Variants in NAV2 observed in about 807,000 individuals in gnomAD.
The protein encoded by NAV2 is helicase, APC down-regulated 1.
NAV2 carries 54 observed loss-of-function variants against 223.2 expected under a neutral mutation model. The ratio of observed to expected loss-of-function variants is 0.24; its 90% CI spans 0.19 to 0.30. NAV2 has a LOEUF of 0.30. NAV2 is among the 10% of genes least tolerant of loss of function. The probability of loss-of-function intolerance (pLI) is 1.00; values close to 1 mark genes in which losing one functional copy is unlikely to be tolerated. For synonymous variants in NAV2, 1,279 were observed against 1,239.3 expected (o/e 1.03, Z -0.67); for missense variants, 2,806 against 3,147.5 (o/e 0.89, Z 2.60).
At chr11:19,830,556 T>C (rs2059873962) in intron 1 of NAV2, among the ~76,000 whole-genome samples, 1 of 152,252 alleles carries the variant, frequency 6.6e-6, no homozygotes, top group South Asian at 2.1e-4. Context: ...AAAATGTTTA[T>C]GTCAGTGCCT....
chr11:19,506,297 AG>A (rs1355227944), intron 1 of NAV2: 1 of 152,254 alleles, frequency 6.6e-6, no homozygotes, highest in Admixed American at 6.5e-5. Context: ...CCCATACTCC[AG>A]GACTTGTAGC....
At chr11:19,345,358 T>C in the NAV2 span, among the ~76,000 whole-genome samples, 1 of 152,174 alleles carries the variant, frequency 6.6e-6, no homozygotes, top group Admixed American at 6.5e-5. The surrounding 1 kb of genome is among the most constrained non-coding windows in gnomAD (Gnocchi z 5.2). Context: ...CTGGCTGGAC[T>C]GCCCGGCGGC....
intron 1 of NAV2, among the ~76,000 whole-genome samples, chr11:19,491,179 G>A (rs1478799347): frequency 6.6e-6 from 1 of 152,074 alleles, no homozygotes. Flanking sequence ...GATTTTCAGG[G>A]TAGTAAATGG....
intron 1 of NAV2, among the ~76,000 whole-genome samples, chr11:19,493,224 C>T (rs958648275): frequency 5.3e-5 from 8 of 151,694 alleles, no homozygotes; most frequent in Non-Finnish European, 1.0e-4. Context: ...TCCTTCTCCT[C>T]CAATAGAATA....
At chr11:19,643,996 G>C (rs1346430382) in intron 1 of NAV2, among the ~76,000 whole-genome samples, 1 of 152,202 alleles carries the variant, frequency 6.6e-6, no homozygotes, top group African/African-American at 2.4e-5. Context: ...GTAGATAAAT[G>C]CATAAGTATC....
At chr11:19,672,105 G>A (rs1279267446) in intron 1 of NAV2, among the ~76,000 whole-genome samples, 1 of 152,164 alleles carries the variant, frequency 6.6e-6, no homozygotes, top group African/African-American at 2.4e-5. Flanking sequence ...TTAGGCTGAG[G>A]GAACAGCAAG....
chr11:19,861,062 A>G (rs114572510), intron 3 of NAV2, among the ~76,000 whole-genome samples: 2,140 of 142,626 alleles, frequency 0.015, 75 homozygotes, highest in African/African-American at 0.055. Context: ...GGGAGGGGGA[A>G]AGGGAGAGGG....
At chr11:20,052,574 A>G (rs2058081413) in intron 17 of NAV2, among the ~76,000 whole-genome samples, 1 of 152,192 alleles carries the variant, frequency 6.6e-6, no homozygotes, top group Non-Finnish European at 1.5e-5. Flanking sequence ...AACATTGTGA[A>G]ATGGTGTGTA....
intron 36 of NAV2, among the ~76,000 whole-genome samples, chr11:20,114,053 C>G (rs1273974591): frequency 1.3e-5 from 2 of 152,244 alleles, no homozygotes; most frequent in Non-Finnish European, 2.9e-5. Context: ...CCATTGTGAC[C>G]TCTGCCTGCA....
intron 1 of NAV2, among the ~76,000 whole-genome samples, chr11:19,639,997 G>A (rs892257554): frequency 2.6e-5 from 4 of 152,202 alleles, no homozygotes; most frequent in African/African-American, 9.7e-5. Flanking sequence ...CTGCTCACTT[G>A]TTAAAGTCAG....
At chr11:19,800,457 T>A (rs1254376462) in intron 1 of NAV2, among the ~76,000 whole-genome samples, 2 of 152,184 alleles carry the variant, frequency 1.3e-5, no homozygotes, top group Non-Finnish European at 2.9e-5. Flanking sequence ...CTCTTCAACA[T>A]ATCAAATGTA....
rs143567332 is a variant in NAV2, at chr11:19,613,982, C to T, written c.76-218502C>T. Among the ~76,000 whole-genome samples, 468 of 152,238 alleles carry T rather than the reference C, an allele frequency of 3.1e-3. 6 individuals carry two copies. The highest frequency in any genetic ancestry group is 0.011 in the African/African-American group (450 of 41,542). ...ATTCATGCAATAAATAATTTTTTAG[C>T]ACTTTCTATATGCCCAACCTGATAA... is the stretch of plus-strand genomic sequence containing the variant. On this transcript the variant is annotated intron_variant, in intron 1 of 37. Transcript: ENST00000360655.
At chr11:19,352,695 T>C (rs1316334251) in intron 1 of NAV2, among the ~76,000 whole-genome samples, 1 of 152,236 alleles carries the variant, frequency 6.6e-6, no homozygotes, top group African/African-American at 2.4e-5. Context: ...AGCTCTCACT[T>C]GTGCTGGCAA....
intron 1 of NAV2, among the ~76,000 whole-genome samples, chr11:19,477,759 C>T (rs2042162366): frequency 6.6e-6 from 1 of 152,118 alleles, no homozygotes; most frequent in African/African-American, 2.4e-5. Flanking sequence ...TCCTTGAGCT[C>T]AGTGAGGCTA....
At chr11:19,482,092 C>G (rs1184240853) in intron 1 of NAV2, among the ~76,000 whole-genome samples, 1 of 152,168 alleles carries the variant, frequency 6.6e-6, no homozygotes, top group Non-Finnish European at 1.5e-5. Context: ...AATTTATAAT[C>G]CATTTATTGA....
chr11:19,847,926 A>G (rs2060895374), intron 3 of NAV2, among the ~76,000 whole-genome samples: 1 of 152,218 alleles, frequency 6.6e-6, no homozygotes, highest in Non-Finnish European at 1.5e-5. Flanking sequence ...TTTGGGGGAC[A>G]TAGAACCTTT....
chr11:19,932,625 A>C (rs923272314), intron 6 of NAV2, among the ~76,000 whole-genome samples: 2 of 152,210 alleles, frequency 1.3e-5, no homozygotes, highest in Non-Finnish European at 2.9e-5. Flanking sequence ...AGCCATTTGC[A>C]ACTTTTAAAA....
chr11:19,931,609 A>AAG (rs10692495), intron 6 of NAV2, among the ~76,000 whole-genome samples: 1 of 137,306 alleles, frequency 7.3e-6, no homozygotes, highest in African/African-American at 2.6e-5. Flanking sequence ...AAAAAAAAAA[A>AAG]GCAGAAGAAG....
intron 1 of NAV2, chr11:19,507,275 A>G (rs4423163): frequency 0.33 from 50,666 of 152,138 alleles, 8,970 homozygotes; most frequent in South Asian, 0.4. Flanking sequence ...GAGTGTTGCC[A>G]TGGTGACTGG....
Sources: gnomAD v4.1 joint callset for allele counts (sites outside exome capture counted in the v4.1 genomes callset) on GRCh38, gnomAD v4.1.1 for gene constraint, Gnocchi (gnomAD v3.1) non-coding constraint, MANE v1.5 for transcripts, NCBI Gene and HGNC (gene_info 2026-07-23, HGNC 2026-07-21) for gene names.